Variants in SLC39A10 observed in about 807,000 individuals in gnomAD.
SLC39A10 encodes solute carrier family 39 member 10.
In SLC39A10, 13 loss-of-function variants were observed where a neutral mutation model predicts 65.1. The ratio of observed to expected loss-of-function variants is 0.20; its 90% CI spans 0.13 to 0.32. The LOEUF is 0.32. Among genes scored for constraint, SLC39A10 ranks in the 10% least tolerant of loss-of-function variants. SLC39A10 has a pLI of 1.00. For synonymous variants in SLC39A10, 321 were observed against 342.2 expected (o/e 0.94, Z 0.68); for missense variants, 831 against 1,018.4 (o/e 0.82, Z 2.50).
At chr2:195,616,685 G>T (rs1458008705) in intron 2 of SLC39A10, among the ~76,000 whole-genome samples, 1 of 147,624 alleles carries the variant, frequency 6.8e-6, no homozygotes, top group East Asian at 2.0e-4. Context: ...CTCACTGCAA[G>T]CTCCGCCTCC....
At chr2:195,707,751 A>G (rs1559043345) in intron 4 of SLC39A10, among the ~76,000 whole-genome samples, 1 of 152,164 alleles carries the variant, frequency 6.6e-6, no homozygotes, top group Non-Finnish European at 1.5e-5. Context: ...GTGCTGTTCA[A>G]CTTGTTTTTG....
At position 195,632,302 on chromosome 2, in the gene SLC39A10, T is replaced by TC. The variant is rs1356719684; in HGVS notation, c.-12+26069_-12+26070insC. 9.2e-3 allele frequency among the ~76,000 whole-genome samples: 1,159 copies of TC among 126,354 alleles called. 30 individuals carry two copies. Among genetic ancestry groups the TC allele is most frequent in the African/African-American group, 0.032 (1,073 of 33,598 alleles). 82.9% of individuals were successfully genotyped at this position (126,354 alleles called of 152,430 possible). On this transcript the variant is annotated intron_variant, in intron 2 of 2. Coordinates refer to the SLC39A10 transcript ENST00000458054. ...CTCATTCTACTTCCTTTTTTTTTTT[T>TC]TTTTTTTTTTTTTTTGAGACAGAGT... is the stretch of plus-strand genomic sequence containing the variant.
At chr2:195,721,969 C>A (rs1692061047) in intron 8 of SLC39A10, among the ~76,000 whole-genome samples, 1 of 152,246 alleles carries the variant, frequency 6.6e-6, no homozygotes, top group East Asian at 1.9e-4. Context: ...CTTTTTCTGT[C>A]TGCAATTTCT....
chr2:195,622,972 C>CAAAAAA (rs11440347), intron 2 of SLC39A10, among the ~76,000 whole-genome samples: 2 of 96,862 alleles, frequency 2.1e-5, no homozygotes, highest in African/African-American at 4.2e-5. Flanking sequence ...ACTCCTGTCT[C>CAAAAAA]AAAAAAAAAA....
intron 9 of SLC39A10, among the ~76,000 whole-genome samples, chr2:195,732,130 C>G (rs1435709422): frequency 6.6e-6 from 1 of 152,126 alleles, no homozygotes; most frequent in Non-Finnish European, 1.5e-5. Context: ...TTGGCCATAT[C>G]CTGACAGTCG....
At chr2:195,719,482 G>A (rs1252920549) in intron 8 of SLC39A10, among the ~76,000 whole-genome samples, 3 of 152,026 alleles carry the variant, frequency 2.0e-5, no homozygotes, top group South Asian at 2.1e-4. Context: ...GATACCTGTC[G>A]ACTTCTCTGA....
At chr2:195,729,221 G>A (rs1692349780) in intron 9 of SLC39A10, among the ~76,000 whole-genome samples, 1 of 151,938 alleles carries the variant, frequency 6.6e-6, no homozygotes, top group Non-Finnish European at 1.5e-5. Flanking sequence ...GGCCCAAGCA[G>A]TCTTCCTGCC....
At chr2:195,669,010 G>T (rs1559024566) in intron 1 of SLC39A10, among the ~76,000 whole-genome samples, 1 of 151,708 alleles carries the variant, frequency 6.6e-6, no homozygotes, top group East Asian at 1.9e-4. Flanking sequence ...GGGAGGCAAA[G>T]GTTGCAGTGA....
chr2:195,712,533 A>G (rs1239542092), intron 5 of SLC39A10, among the ~76,000 whole-genome samples: 1 of 152,256 alleles, frequency 6.6e-6, no homozygotes, highest in Non-Finnish European at 1.5e-5. Context: ...CAACAAAAAA[A>G]TGCCATGCCA....
intron 5 of SLC39A10, among the ~76,000 whole-genome samples, chr2:195,711,272 T>C (rs1691593286): frequency 6.6e-6 from 1 of 152,106 alleles, no homozygotes. Context: ...GATAAACAAG[T>C]TTTTTGTTTT....
rs1691022469 is a variant in SLC39A10 at position 195,697,745 on chromosome 2, TA to T, written c.1217-8866del. Among the ~76,000 whole-genome samples, 4 of 152,186 alleles carry T rather than the reference TA, an allele frequency of 2.6e-5. 1 individual carries two copies. In the South Asian group the frequency reaches 8.3e-4, roughly 32 times the overall value. ...AATTTACAAGAAAAAACGACCCCAT[TA>T]AAAAGTGGGCAAAGGACATGAATAA... On this transcript the variant is annotated intron_variant, in intron 3 of 9. Transcript: ENST00000359634.
intron 2 of SLC39A10, among the ~76,000 whole-genome samples, chr2:195,635,017 C>G (rs573974436): frequency 1.4e-4 from 21 of 152,200 alleles, no homozygotes; most frequent in African/African-American, 5.1e-4. Context: ...CACTGCTACT[C>G]CAGCCTGGGC....
At chr2:195,634,282 C>A (rs913398530) in intron 2 of SLC39A10, among the ~76,000 whole-genome samples, 26 of 152,216 alleles carry the variant, frequency 1.7e-4, no homozygotes, top group Non-Finnish European at 3.5e-4. Context: ...TGCTCCTAAA[C>A]ACCTGGTTAC....
intron 2 of SLC39A10, among the ~76,000 whole-genome samples, chr2:195,646,671 C>T (rs551011778): frequency 5.4e-5 from 7 of 129,942 alleles, no homozygotes; most frequent in African/African-American, 2.0e-4. Context: ...CCGGTAGGGC[C>T]TTTTAGGAAC....
chr2:195,722,972 T>A (rs945917831), intron 8 of SLC39A10, among the ~76,000 whole-genome samples: 7 of 152,222 alleles, frequency 4.6e-5, no homozygotes, highest in African/African-American at 1.7e-4. Flanking sequence ...AGACACAGAA[T>A]TGAAAACAAG....
At chr2:195,630,103 ATGTGTGTGTGTGTG>A (rs35865354) in intron 2 of SLC39A10, among the ~76,000 whole-genome samples, 3 of 131,786 alleles carry the variant, frequency 2.3e-5, no homozygotes, top group Non-Finnish European at 3.1e-5. Context: ...CTCATTTTAT[ATGTGTGTGTGTGTG>A]TGTGTGTGTG....
intron 2 of SLC39A10, among the ~76,000 whole-genome samples, chr2:195,617,939 C>T (rs977904860): frequency 2.0e-5 from 3 of 148,086 alleles, no homozygotes; most frequent in Non-Finnish European, 3.0e-5. Flanking sequence ...CGGGGTTTCA[C>T]CATGTTAGCC....
intron 2 of SLC39A10, among the ~76,000 whole-genome samples, chr2:195,625,339 GA>G (rs1323951313): frequency 6.6e-6 from 1 of 150,714 alleles, no homozygotes; most frequent in Non-Finnish European, 1.5e-5. Flanking sequence ...GCAATGGCAC[GA>G]TCTCGGCTCA....
intron 1 of SLC39A10, among the ~76,000 whole-genome samples, chr2:195,664,341 GTTA>G (rs1335940360): frequency 6.6e-6 from 1 of 151,598 alleles, no homozygotes; most frequent in African/African-American, 2.4e-5. Context: ...TTTTTTAGGA[GTTA>G]TTTTTAATTA....
Sources: allele counts gnomAD v4.1 joint callset (sites outside exome capture counted in the v4.1 genomes callset), GRCh38; gene constraint gnomAD v4.1.1; transcripts MANE v1.5; gene names NCBI Gene and HGNC (gene_info 2026-07-23, HGNC 2026-07-21).